Variants in ATXN7L1 observed in about 807,000 individuals in gnomAD.
ATXN7L1 encodes ataxin 7 like 1, also known as ataxin-7-like protein 1.
In ATXN7L1, 15 loss-of-function variants were observed where a neutral mutation model predicts 70.8. That is an observed-to-expected ratio of 0.21 (90% CI 0.14 to 0.33). The LOEUF (loss-of-function observed/expected upper bound fraction) is 0.33, where lower values mean the gene tolerates loss of function less well. Ranked by LOEUF, ATXN7L1 falls within the 10% of genes least tolerant of loss-of-function variation. ATXN7L1 has a pLI of 1.00. For missense variants in ATXN7L1, 975 were observed against 1,097.1 expected (o/e 0.89, Z 1.57); for synonymous variants, 440 against 445.1 (o/e 0.99, Z 0.14).
At chr7:105,716,244 AT>A (rs1794529771) in intron 3 of ATXN7L1, among the ~76,000 whole-genome samples, 1 of 152,144 alleles carries the variant, frequency 6.6e-6, no homozygotes, top group Admixed American at 6.5e-5. Context: ...CTTATTATAT[AT>A]TTCATTATAT....
chr7:105,840,381 A>G (rs1037209178), intron 2 of ATXN7L1, among the ~76,000 whole-genome samples: 3 of 152,192 alleles, frequency 2.0e-5, no homozygotes, highest in Non-Finnish European at 4.4e-5. Context: ...GAGGGGCCAG[A>G]GCAGAAGTGC....
intron 3 of ATXN7L1, among the ~76,000 whole-genome samples, chr7:105,697,351 G>A (rs894007584): frequency 1.3e-5 from 2 of 152,162 alleles, no homozygotes; most frequent in Non-Finnish European, 2.9e-5. Flanking sequence ...CTAGGTGCAC[G>A]TTCTCTTTCT....
chr7:105,752,237 A>G (rs1799304182), intron 3 of ATXN7L1, among the ~76,000 whole-genome samples: 1 of 152,222 alleles, frequency 6.6e-6, no homozygotes, highest in African/African-American at 2.4e-5. Context: ...GATGGTACAA[A>G]TGTCCTGCAG....
At chr7:105,769,261 T>C (rs751281171) in intron 3 of ATXN7L1, among the ~76,000 whole-genome samples, 1 of 152,200 alleles carries the variant, frequency 6.6e-6, no homozygotes, top group Non-Finnish European at 1.5e-5. Context: ...GACTCTCAAC[T>C]GTTTTCAGAG....
chr7:105,876,244 TAG>T, intron 1 of ATXN7L1, 132 bp downstream of exon 1: 2 of 1,182,672 alleles, frequency 1.7e-6, no homozygotes, highest in Non-Finnish European at 2.3e-6. Context: ...TGTATTTATT[TAG>T]AGAGAGAGGG....
rs935774945 is a variant in ATXN7L1, at chr7:105,605,674, GT to G, written c.*2177del. The G allele has an allele frequency of 5.3e-5, 8 of 152,050 alleles. No homozygotes were observed. Among genetic ancestry groups the G allele is most frequent in the African/African-American group, 1.7e-4 (7 of 41,376 alleles). 9.4% of individuals were successfully genotyped at this position (152,050 alleles called of 1,614,324 possible). ...AGGGTTATTTTGTTGTGGAGATTTTGTTTTTTGTTTTTACTCCTGCAAGTTT... is the reference window on the plus strand; with the variant it reads ...AGGGTTATTTTGTTGTGGAGATTTTGTTTTTGTTTTTACTCCTGCAAGTTT... On this transcript the variant is annotated 3_prime_UTR_variant, in exon 12 of 12. Coordinates refer to ENST00000419735, the MANE Select transcript of ATXN7L1 (RefSeq NM_020725.2).
intron 4 of ATXN7L1, among the ~76,000 whole-genome samples, chr7:105,643,363 G>A (rs1410320321): frequency 3.3e-5 from 5 of 152,140 alleles, no homozygotes; most frequent in Admixed American, 6.6e-5. Context: ...ATTACCGCCC[G>A]TGCTGAGCTG....
chr7:105,833,138 C>T (rs1328939249), intron 2 of ATXN7L1, among the ~76,000 whole-genome samples: 1 of 152,190 alleles, frequency 6.6e-6, no homozygotes, highest in African/African-American at 2.4e-5. Flanking sequence ...CCTCTGACCT[C>T]CCACCCTATC....
chr7:105,667,762 T>C (rs1372355645), intron 3 of ATXN7L1, among the ~76,000 whole-genome samples: 1 of 151,554 alleles, frequency 6.6e-6, no homozygotes, highest in Non-Finnish European at 1.5e-5. Context: ...AGGTTATCAG[T>C]TGCCAGCCTT....
intron 9 of ATXN7L1, among the ~76,000 whole-genome samples, chr7:105,616,502 G>A (rs1793913311): frequency 6.6e-6 from 1 of 152,228 alleles, no homozygotes; most frequent in Non-Finnish European, 1.5e-5. Context: ...CAATGGCCAT[G>A]ATGGCATTGA....
chr7:105,843,705 C>T (rs1813559455), intron 2 of ATXN7L1, among the ~76,000 whole-genome samples: 1 of 152,250 alleles, frequency 6.6e-6, no homozygotes, highest in South Asian at 2.1e-4. Context: ...CTTTTCAATG[C>T]TGCCTTCTGG....
chr7:105,794,446 TACAAACC>T (rs1805700332), intron 2 of ATXN7L1, among the ~76,000 whole-genome samples: 1 of 152,238 alleles, frequency 6.6e-6, no homozygotes, highest in African/African-American at 2.4e-5. Context: ...CGGCATCCAC[TACAAACC>T]AGGACTTCTT....
chr7:105,724,384 G>T (rs922281292), intron 3 of ATXN7L1, among the ~76,000 whole-genome samples: 1 of 151,090 alleles, frequency 6.6e-6, no homozygotes, highest in Non-Finnish European at 1.5e-5. Flanking sequence ...GACCAGTCTG[G>T]CCAACGTGGC....
At chr7:105,711,046 T>C (rs1299671202) in intron 3 of ATXN7L1, among the ~76,000 whole-genome samples, 4 of 152,162 alleles carry the variant, frequency 2.6e-5, no homozygotes, top group Admixed American at 6.5e-5. Flanking sequence ...GAGAACAGCA[T>C]GGGGGAAACC....
In ATXN7L1 at chr7:105,643,212, T is replaced by C. The variant is rs985311590; in HGVS notation, c.579-91A>G. The C allele has an allele frequency of 3.4e-5, 46 of 1,350,478 alleles. No individual in the cohort carries two copies. In the African/African-American group the frequency reaches 6.1e-4, roughly 18 times the overall value. The allele number at this position is 1,350,478 out of a possible 1,614,324, so 83.7% of individuals were successfully genotyped here. On this transcript the variant is annotated intron_variant, in intron 4 of 11. Transcript: ENST00000419735. ...ATACCCGCTTATCATTATCAGAACA[T>C]TTCCTTATCACTTATTTATACTCCT...
chr7:105,664,575 G>GTGTGTGTATGTGTGTATATATATATATA, intron 4 of ATXN7L1, among the ~76,000 whole-genome samples: 7 of 131,988 alleles, frequency 5.3e-5, no homozygotes, highest in East Asian at 2.6e-4. Flanking sequence ...GTATGTGTGT[G>GTGTGTGTATGTGTGTATATATATATATA]TATATATATA....
At chr7:105,826,224 G>GA (rs1232114550) in intron 2 of ATXN7L1, among the ~76,000 whole-genome samples, 1 of 152,202 alleles carries the variant, frequency 6.6e-6, no homozygotes, top group South Asian at 2.1e-4. Context: ...TACTTTGGGG[G>GA]AAAAAAGCAC....
At chr7:105,842,901 C>T (rs1225578067) in intron 2 of ATXN7L1, among the ~76,000 whole-genome samples, 1 of 152,130 alleles carries the variant, frequency 6.6e-6, no homozygotes, top group Non-Finnish European at 1.5e-5. Flanking sequence ...TTATAGCCAT[C>T]CTACTGGATG....
At chr7:105,626,284 CA>C (rs1453822375) in intron 7 of ATXN7L1, among the ~76,000 whole-genome samples, 3 of 152,052 alleles carry the variant, frequency 2.0e-5, no homozygotes, top group African/African-American at 7.2e-5. Flanking sequence ...ACACAAAGGA[CA>C]AATATTGGAT....
Sources: gnomAD v4.1 joint callset for allele counts (sites outside exome capture counted in the v4.1 genomes callset) on GRCh38, gnomAD v4.1.1 for gene constraint, MANE v1.5 for transcripts, NCBI Gene and HGNC (gene_info 2026-07-23, HGNC 2026-07-21) for gene names.